NARS2: variants seen among roughly 807,000 people sequenced by gnomAD.
NARS2 encodes asparaginyl-tRNA synthetase.
NARS2 carries 60 observed loss-of-function variants against 62.9 expected under a neutral mutation model. The observed-to-expected ratio is 0.95, with a 90% CI of 0.77 to 1.18. The LOEUF (loss-of-function observed/expected upper bound fraction) is 1.18, where lower values mean the gene tolerates loss of function less well. Ranked by LOEUF, NARS2 falls within the 50% of genes most tolerant of loss-of-function variation. NARS2 has a pLI of 0.00. For missense variants in NARS2, 619 were observed against 576.4 expected (o/e 1.07, Z -0.76); for synonymous variants, 196 against 200.0 (o/e 0.98, Z 0.17).
At chr11:78,537,133 T>C (rs1855386611) in intron 5 of NARS2, among the ~76,000 whole-genome samples, 1 of 152,090 alleles carries the variant, frequency 6.6e-6, no homozygotes, top group South Asian at 2.1e-4. Flanking sequence ...AATGATGAAA[T>C]CACCTAAGGG....
At chr11:78,450,850 C>T (rs1792969701) in intron 11 of NARS2, among the ~76,000 whole-genome samples, 1 of 151,462 alleles carries the variant, frequency 6.6e-6, no homozygotes, top group Non-Finnish European at 1.5e-5. Context: ...AATTTTTATA[C>T]CTAATTTTTG....
chr11:78,466,884 C>A (rs961040069), intron 10 of NARS2, among the ~76,000 whole-genome samples: 2 of 152,018 alleles, frequency 1.3e-5, no homozygotes, highest in African/African-American at 4.8e-5. Flanking sequence ...TACTAATGTG[C>A]CTATTAAATT....
intron 11 of NARS2, 139 bp from the exon 12 acceptor site, chr11:78,443,897 T>C: frequency 3.3e-6 from 2 of 602,078 alleles, no homozygotes; most frequent in South Asian, 3.9e-5. Flanking sequence ...ATACAAATTA[T>C]AAGTGGACAA....
chr11:78,522,914 C>T (rs1861180485), intron 6 of NARS2, among the ~76,000 whole-genome samples: 1 of 152,094 alleles, frequency 6.6e-6, no homozygotes, highest in Non-Finnish European at 1.5e-5. Flanking sequence ...ATTCAATAGG[C>T]TATGCCCATC....
chr11:78,460,661 A>G (rs929785646), intron 11 of NARS2, among the ~76,000 whole-genome samples: 7 of 152,226 alleles, frequency 4.6e-5, no homozygotes, highest in African/African-American at 1.7e-4. Context: ...ATGTACAATT[A>G]GATGAATACA....
At chr11:78,475,579 A>AC in intron 9 of NARS2, among the ~76,000 whole-genome samples, 2 of 96,802 alleles carry the variant, frequency 2.1e-5, no homozygotes, top group Non-Finnish European at 4.0e-5. Flanking sequence ...TTATCATTTG[A>AC]CTTTTTTTTT....
chr11:78,557,574 G>A (rs2135510476), intron 5 of NARS2, among the ~76,000 whole-genome samples: 1 of 152,282 alleles, frequency 6.6e-6, no homozygotes, highest in East Asian at 1.9e-4. Flanking sequence ...GACTGTAGGA[G>A]CCTAGGATCA....
chr11:78,475,775 AT>A (rs1462924379), intron 9 of NARS2, among the ~76,000 whole-genome samples: 1 of 151,284 alleles, frequency 6.6e-6, no homozygotes, highest in Non-Finnish European at 1.5e-5. Flanking sequence ...TTATTTATTT[AT>A]TTTTTGTAGA....
At chr11:78,436,991 T>C (rs957269139) in intron 13 of NARS2, among the ~76,000 whole-genome samples, 177 bp from the exon 14 acceptor site, 3 of 152,196 alleles carry the variant, frequency 2.0e-5, no homozygotes, top group East Asian at 1.9e-4. Flanking sequence ...GAATAATCTA[T>C]CCAAGGTTAC....
At chr11:78,532,250 C>A (rs116059531) in intron 5 of NARS2, among the ~76,000 whole-genome samples, 1 of 151,762 alleles carries the variant, frequency 6.6e-6, no homozygotes, top group Non-Finnish European at 1.5e-5. Context: ...AAATTGCCAA[C>A]GATAAAAGGA....
intron 13 of NARS2, among the ~76,000 whole-genome samples, chr11:78,437,980 A>AG (rs1221940692): frequency 2.1e-5 from 3 of 144,058 alleles, no homozygotes; most frequent in Admixed American, 7.2e-5. Context: ...GTATCAAAAA[A>AG]AAAAAAAAGA....
chr11:78,564,742 T>C (rs1315928021), intron 4 of NARS2, among the ~76,000 whole-genome samples: 6 of 152,388 alleles, frequency 3.9e-5, no homozygotes, highest in East Asian at 1.9e-4. Flanking sequence ...GGAAGCTGCA[T>C]AGCAAAGTTT....
Position 78,532,970 on chromosome 11 carries a change from T to G in NARS2, c.595-4034A>C, listed in dbSNP as rs570172301. On this transcript the variant is annotated intron_variant, in intron 5 of 13. Transcript: ENST00000281038. ...CTTCTCAGCAATGACCCAACTACTC[T>G]GGAGTCTTGTTTTTTCTGGGTGGCC... is the stretch of plus-strand genomic sequence containing the variant. 5.3e-5 allele frequency among the ~76,000 whole-genome samples: 8 copies of G among 152,330 alleles called. No homozygotes were observed. The South Asian group carries it at 1.7e-3, about 32-fold the overall frequency.
At chr11:78,480,671 T>C (rs1436002821) in intron 7 of NARS2, among the ~76,000 whole-genome samples, 2 of 144,344 alleles carry the variant, frequency 1.4e-5, no homozygotes, top group African/African-American at 5.4e-5. Flanking sequence ...ACTGATCACA[T>C]AAAATAGTAA....
intron 10 of NARS2, among the ~76,000 whole-genome samples, chr11:78,466,420 T>C (rs1378404794): frequency 6.6e-6 from 1 of 152,174 alleles, no homozygotes; most frequent in Admixed American, 6.5e-5. Context: ...CTCAGGAAAT[T>C]AAATGATAGA....
At chr11:78,530,979 A>G (rs1173467537) in intron 5 of NARS2, among the ~76,000 whole-genome samples, 1 of 152,148 alleles carries the variant, frequency 6.6e-6, no homozygotes, top group Non-Finnish European at 1.5e-5. Flanking sequence ...GATTTTTTAA[A>G]CTTCCCTTTG....
At chr11:78,454,264 G>A (rs776392302) in intron 11 of NARS2, among the ~76,000 whole-genome samples, 2 of 152,008 alleles carry the variant, frequency 1.3e-5, no homozygotes, top group Non-Finnish European at 2.9e-5. Flanking sequence ...GGATATTTGT[G>A]CCCTCCCAAA....
chr11:78,472,519 A>G (rs1270971375), intron 9 of NARS2, among the ~76,000 whole-genome samples: 2 of 152,254 alleles, frequency 1.3e-5, no homozygotes, highest in African/African-American at 4.8e-5. Context: ...AAGGAAATGT[A>G]AAATAAACTG....
chr11:78,448,415 C>A (rs1017079955), intron 11 of NARS2, among the ~76,000 whole-genome samples: 1 of 151,710 alleles, frequency 6.6e-6, no homozygotes, highest in Non-Finnish European at 1.5e-5. Context: ...CTCAGCCTCC[C>A]GAGTAGCTGG....
Sources: gnomAD v4.1 joint callset for allele counts (sites outside exome capture counted in the v4.1 genomes callset) on GRCh38, gnomAD v4.1.1 for gene constraint, MANE v1.5 for transcripts, NCBI Gene and HGNC (gene_info 2026-07-23, HGNC 2026-07-21) for gene names.